Variants in TRAF2 observed in about 807,000 individuals in gnomAD.
TRAF2 encodes the protein TNF receptor associated factor 2.
TRAF2 carries 6 observed loss-of-function variants against 55.6 expected under a neutral mutation model. The observed-to-expected ratio is 0.11, with a 90% CI of 0.06 to 0.21. The LOEUF (loss-of-function observed/expected upper bound fraction) is 0.21. TRAF2 is among the 10% of genes least tolerant of loss of function. The pLI is 1.00. For synonymous variants in TRAF2, 329 were observed against 276.3 expected (o/e 1.19, Z -1.89); for missense variants, 561 against 684.5 (o/e 0.82, Z 2.01).
intron 5 of TRAF2, among the ~76,000 whole-genome samples, chr9:136,908,542 G>A (rs2131307922): frequency 6.6e-6 from 1 of 152,188 alleles, no homozygotes; most frequent in South Asian, 2.1e-4. Flanking sequence ...CCAACATGGT[G>A]AAACCCCGTC....
chr9:136,899,890 G>A (rs1362123379), intron 3 of TRAF2, among the ~76,000 whole-genome samples: 1 of 152,084 alleles, frequency 6.6e-6, no homozygotes, highest in African/African-American at 2.4e-5. Context: ...CAGGGGCCGG[G>A]CTCAGTGTCT....
In TRAF2 at chr9:136,920,350, G is replaced by A; in HGVS notation, c.795G>A (p.Gly265=). ...KPLLGDQSHA[G]SELLQRCESL... ...TCTTGGGAGACCAGAGCCACGCGGG[G>A]TCAGAGCTCCTGCAGAGGTGCGAGA... Residue 265 remains glycine, a synonymous_variant, in exon 8 of 11, where the codon GGG becomes GGA. Coordinates refer to ENST00000247668, the MANE Select transcript of TRAF2 (RefSeq NM_021138.4). 1 of 1,614,142 alleles carries A rather than the reference G, an allele frequency of 6.2e-7. No individual in the cohort carries two copies. The highest frequency in any genetic ancestry group is 8.5e-7 in the Non-Finnish European group (1 of 1,180,042).
At chr9:136,900,602 G>A in intron 4 of TRAF2, 82 bp downstream of exon 4, 1 of 1,105,934 alleles carries the variant, frequency 9.0e-7, no homozygotes. Context: ...TTATGACCTT[G>A]TCCTGCACGT....
At chr9:136,900,703 T>C in intron 4 of TRAF2, 183 bp downstream of exon 4, 2 of 674,320 alleles carry the variant, frequency 3.0e-6, no homozygotes, top group South Asian at 1.5e-5. Context: ...ACTCAAGTAG[T>C]GCAGAGCACA....
chr9:136,916,414 AGT>A (rs1850242127), intron 6 of TRAF2, 125 bp from the exon 7 acceptor site: 2 of 856,942 alleles, frequency 2.3e-6, no homozygotes, highest in Non-Finnish European at 3.9e-6. Flanking sequence ...GGTTTCATTC[AGT>A]GTGAGAGTGA....
intron 1 of TRAF2, among the ~76,000 whole-genome samples, chr9:136,895,917 C>G (rs1462898556): frequency 6.6e-6 from 1 of 151,708 alleles, no homozygotes; most frequent in African/African-American, 2.4e-5. Flanking sequence ...ATTGCCACCC[C>G]AGGTTGCCCT....
At chr9:136,901,311 A>G (rs1461616412) in intron 4 of TRAF2, among the ~76,000 whole-genome samples, 1 of 152,234 alleles carries the variant, frequency 6.6e-6, no homozygotes, top group Non-Finnish European at 1.5e-5. Context: ...ATCCTTGTAC[A>G]GGATTCCTGG....
chr9:136,909,165 C>A (rs1850036659), intron 5 of TRAF2, among the ~76,000 whole-genome samples: 6 of 152,176 alleles, frequency 3.9e-5, no homozygotes, highest in Admixed American at 3.9e-4. Flanking sequence ...CCGTCCTCGC[C>A]AGGCCTGGGC....
chr9:136,894,133 G>C (rs1393911515), intron 1 of TRAF2, among the ~76,000 whole-genome samples: 1 of 136,086 alleles, frequency 7.3e-6, no homozygotes, highest in Non-Finnish European at 1.5e-5. Context: ...TGCAACCTCT[G>C]CTTGCTGGGT....
chr9:136,918,927 G>A (rs923973498), intron 7 of TRAF2, among the ~76,000 whole-genome samples: 2 of 151,824 alleles, frequency 1.3e-5, no homozygotes, highest in Non-Finnish European at 2.9e-5. Flanking sequence ...TAGAGATAGG[G>A]TTTTGCCATG....
At chr9:136,914,362 C>T (rs1850191714) in intron 6 of TRAF2, among the ~76,000 whole-genome samples, 1 of 152,204 alleles carries the variant, frequency 6.6e-6, no homozygotes, top group Non-Finnish European at 1.5e-5. Context: ...CTGGCCTCTT[C>T]TCCTTCAGCT....
intron 4 of TRAF2, among the ~76,000 whole-genome samples, chr9:136,902,814 CTAGTTGGGGCCT>C (rs1849852969): frequency 6.6e-6 from 1 of 152,182 alleles, no homozygotes; most frequent in Admixed American, 6.5e-5. Flanking sequence ...GAGTGTGCTG[CTAGTTGGGGCCT>C]TATTGTAAAC....
chr9:136,921,250 CTGT>C, intron 9 of TRAF2, 35 bp downstream of exon 9: 1 of 1,610,658 alleles, frequency 6.2e-7, no homozygotes, highest in Non-Finnish European at 8.5e-7. Context: ...ACTGCAGCTG[CTGT>C]TTACTTGGCA....
At chr9:136,882,853 TATGCC>T, upstream of TRAF2, 1 of 531,610 alleles carries the variant, frequency 1.9e-6, no homozygotes, top group Non-Finnish European at 2.4e-6. Flanking sequence ...ATCAACTTGC[TATGCC>T]TTACAGGCCT....
rs151090293 is a variant in TRAF2 at position 136,920,656 on chromosome 9, G to T, written c.960+141G>T. 1.4e-3 allele frequency: 1,672 copies of T among 1,209,564 alleles called. 16 individuals carry two copies. In the African/African-American group the frequency reaches 0.023, roughly 16 times the overall value. 74.9% of individuals were successfully genotyped at this position (1,209,564 alleles called of 1,614,324 possible). A position where few individuals can be genotyped will look rare whatever the true frequency, so the allele number is the denominator to read the frequency against. On this transcript the variant is annotated intron_variant, in intron 8 of 10. Transcript: ENST00000247668. Reference sequence around the variant, plus strand: ...CCATCTGCAAACCCCAGTCCAGTGTGGTTTAGGGGAGGCTCTGGCCCCCTT... The same window carrying T: ...CCATCTGCAAACCCCAGTCCAGTGTTGTTTAGGGGAGGCTCTGGCCCCCTT...
intron 1 of TRAF2, among the ~76,000 whole-genome samples, chr9:136,897,827 C>T (rs1849718785): frequency 1.4e-5 from 2 of 140,482 alleles, no homozygotes; most frequent in African/African-American, 2.7e-5. Flanking sequence ...GAGGGGAACC[C>T]GTGGTAGCTA....
At position 136,925,850 on chromosome 9, in the gene TRAF2, G is replaced by A; in HGVS notation, c.1455G>A (p.Val485=). The A allele has an allele frequency of 6.2e-7, 1 of 1,614,212 alleles. No homozygotes were observed. Among genetic ancestry groups the A allele is most frequent in the Non-Finnish European group, 8.5e-7 (1 of 1,180,046 alleles). The change falls in exon 11 of 11, where the codon GTG becomes GTA. Residue 485 remains valine, a synonymous_variant. Coordinates refer to ENST00000247668, the MANE Select transcript of TRAF2 (RefSeq NM_021138.4). Reference sequence around the variant, plus strand: ...AGATGGAGGCAAAGAATTCCTACGTGCGGGACGATGCCATCTTCATCAAGG... The same window carrying A: ...AGATGGAGGCAAAGAATTCCTACGTACGGGACGATGCCATCTTCATCAAGG... ...VSKMEAKNSY[V]RDDAIFIKAI...
chr9:136,908,173 C>A lies in TRAF2; in HGVS notation c.470C>A (p.Pro157Gln). Residue 157 changes from proline (P) to glutamine (Q), a missense_variant, in exon 5 of 11, where the codon CCG becomes CAG. Physicochemically the swap from Pro to Gln is moderately conservative, Grantham distance 76 (BLOSUM62 -1). This residue lies in a region of TRAF2 where 426 missense variants were observed against 476.8 expected (regional missense o/e 0.89). Transcript: ENST00000247668. The stretch of plus-strand genomic sequence containing the variant: ...GAGCGCCACCTGGAGCACGAGTGCC[C>A]GGAGAGAAGCCTGAGCTGCCGGCAT... Reference protein sequence around the residue: ...EKERHLEHECPERSLSCRHCR... With the variant: ...EKERHLEHECQERSLSCRHCR... The A allele has an allele frequency of 6.2e-7, 1 of 1,602,078 alleles. No homozygotes were observed.
At chr9:136,918,158 A>G (rs897373630) in intron 7 of TRAF2, among the ~76,000 whole-genome samples, 3 of 150,496 alleles carry the variant, frequency 2.0e-5, no homozygotes, top group Non-Finnish European at 3.0e-5. Flanking sequence ...CTGGGTGGTC[A>G]TGCCTCTAGC....
Sources: allele counts gnomAD v4.1 joint callset (sites outside exome capture counted in the v4.1 genomes callset), GRCh38; gene constraint gnomAD v4.1.1; regional missense constraint gnomAD v4.1.1; transcripts MANE v1.5; gene names NCBI Gene and HGNC (gene_info 2026-07-23, HGNC 2026-07-21).